The following USP42 variants were observed in gnomAD, a reference collection of about 807,000 sequenced individuals.
The protein encoded by USP42 is ubiquitin specific peptidase 42, also known as ubiquitin carboxyl-terminal hydrolase 42.
Under a neutral mutation model 113.0 loss-of-function variants are expected in USP42, and 23 were observed. The observed-to-expected ratio is 0.20, with a 90% CI of 0.15 to 0.29. The LOEUF (loss-of-function observed/expected upper bound fraction) is 0.29, where lower values mean the gene tolerates loss of function less well. Among genes scored for constraint, USP42 ranks in the 10% least tolerant of loss-of-function variants. The pLI, the probability that USP42 is intolerant of heterozygous loss-of-function variation, is 1.00. For missense variants in USP42, 2,174 were observed against 1,779.8 expected (o/e 1.22, Z -3.99); for synonymous variants, 933 against 699.0 (o/e 1.33, Z -5.28).
chr7:6,152,544 C>T lies in USP42; in HGVS notation c.2202-1212C>T, dbSNP rs375949266. On this transcript the variant is annotated intron_variant, in intron 14 of 17. Transcript: ENST00000306177. ...TCACTGAGGCCCTCTGTTAGGAGGG[C>T]GTAGATATTAAACCGGAATGGGGCG... Among the ~76,000 whole-genome samples, 23 of 152,110 alleles carry T rather than the reference C, an allele frequency of 1.5e-4. No individual in the cohort carries two copies. In the East Asian group the frequency reaches 3.5e-3, roughly 23 times the overall value.
Position 6,154,245 on chromosome 7 carries a change from G to A in USP42, c.2691G>A (p.Glu897=), listed in dbSNP as rs756284840. The A allele has an allele frequency of 3.6e-5, 58 of 1,603,704 alleles. No homozygotes were observed. The highest frequency in any genetic ancestry group is 4.6e-5 in the Non-Finnish European group (54 of 1,177,068). ...GCTTGGGCGCACCCGAGGCCGCAGAGCGGCCGCCAGCTCCTGTGCTGGACA... is the reference window on the plus strand; with the variant it reads ...GCTTGGGCGCACCCGAGGCCGCAGAACGGCCGCCAGCTCCTGTGCTGGACA... ...SQSLGAPEAA[E]RPPAPVLDMA... is the part of the protein sequence containing the mutation. The change falls in exon 15 of 18, where the codon GAG becomes GAA. Residue 897 remains glutamate, a synonymous_variant. Coordinates refer to ENST00000306177, the MANE Select transcript of USP42 (RefSeq NM_032172.3).
At chr7:6,099,466 G>A in the USP42 span, among the ~76,000 whole-genome samples, 5 of 149,966 alleles carry the variant, frequency 3.3e-5, 1 homozygote, top group East Asian at 2.0e-4. Flanking sequence ...TGCCCGCCTC[G>A]GCCTCCCAAA....
rs759610637 is a variant in USP42 at position 6,154,335 on chromosome 7, C to T, written c.2781C>T (p.Ala927=). ...EPSPGERVED[A]AAPKAPGPSP... is the part of the protein sequence containing the mutation. ...GCCCCGGCGAGAGGGTCGAGGACGC[C>T]GCGGCGCCGAAAGCCCCAGGCCCTT... The change falls in exon 15 of 18, where the codon GCC becomes GCT. Residue 927 remains alanine (A), a synonymous_variant. Transcript: ENST00000306177. 8.3e-6 allele frequency: 13 copies of T among 1,571,736 alleles called. No homozygotes were observed. The highest frequency in any genetic ancestry group is 2.4e-5 in the East Asian group (1 of 42,154).
the USP42 span, among the ~76,000 whole-genome samples, chr7:6,088,113 A>G: frequency 6.6e-6 from 1 of 151,072 alleles, no homozygotes; most frequent in South Asian, 2.1e-4. Flanking sequence ...CCACCTGGGC[A>G]ATATAGCAAG....
upstream of USP42, among the ~76,000 whole-genome samples, chr7:6,103,808 C>G (rs1013092979): frequency 3.3e-5 from 5 of 150,342 alleles, no homozygotes; most frequent in Non-Finnish European, 5.9e-5. Context: ...AATCCCAACA[C>G]TTTGGGAAGC....
chr7:6,132,894 G>A (rs773096072), intron 3 of USP42, among the ~76,000 whole-genome samples: 15 of 151,988 alleles, frequency 9.9e-5, no homozygotes, highest in Non-Finnish European at 1.9e-4. Flanking sequence ...GGATGGTCTC[G>A]ATCTTCTACC....
chr7:6,154,056 C>T lies in USP42; in HGVS notation c.2502C>T (p.Asp834=), dbSNP rs1414377234. The change falls in exon 15 of 18, where the codon GAC becomes GAT. Residue 834 remains aspartate, a synonymous_variant. Coordinates refer to ENST00000306177, the MANE Select transcript of USP42 (RefSeq NM_032172.3). ...GCGATGCGAGCCCGTTGTCCCAGGA[C>T]GCAAAGGGGATGATCGCGGAGGGCC... The part of the protein sequence containing the change: ...LTGDASPLSQ[D]AKGMIAEGPR... 6.8e-6 allele frequency: 11 copies of T among 1,605,982 alleles called. No individual in the cohort carries two copies. The East Asian group carries it at 1.8e-4, about 26-fold the overall frequency.
At chr7:6,135,992 C>G in intron 4 of USP42, 41 bp downstream of exon 4, 1 of 1,131,122 alleles carries the variant, frequency 8.8e-7, no homozygotes, top group Non-Finnish European at 1.2e-6. Flanking sequence ...GTATTTATTA[C>G]CTAGTTATAC....
rs554733608 is a variant in USP42, at chr7:6,111,203, G to C, written c.70G>C (p.Glu24Gln). The C allele has an allele frequency of 6.2e-7, 1 of 1,611,452 alleles. No individual in the cohort carries two copies. The highest frequency in any genetic ancestry group is 1.3e-5 in the African/African-American group (1 of 74,906). ...SAYQNQPGSS[E>Q]AVSPGDMDAG... is the part of the protein sequence containing the mutation. ...CTATCAGAATCAGCCTGGCAGCTCCGAGGCAGTCTCACCTGGAGACATGGA... is the reference window on the plus strand; with the variant it reads ...CTATCAGAATCAGCCTGGCAGCTCCCAGGCAGTCTCACCTGGAGACATGGA... Residue 24 changes from glutamate (E) to glutamine (Q), a missense_variant, in exon 2 of 18, where the codon GAG becomes CAG. Glu to Gln is a conservative substitution (Grantham distance 29). Coordinates refer to ENST00000306177, the MANE Select transcript of USP42 (RefSeq NM_032172.3).
the USP42 span, among the ~76,000 whole-genome samples, chr7:6,085,914 A>G: frequency 3.3e-5 from 5 of 150,982 alleles, no homozygotes; most frequent in Admixed American, 3.3e-4. Context: ...TGCCCAGCCT[A>G]TTAGTCTATA....
At chr7:6,113,318 A>T (rs909668322) in intron 2 of USP42, among the ~76,000 whole-genome samples, 2 of 152,104 alleles carry the variant, frequency 1.3e-5, no homozygotes, top group Non-Finnish European at 2.9e-5. Flanking sequence ...ATGGAGGTGG[A>T]AAGTCCTTTG....
Position 6,136,614 on chromosome 7 carries a change from A to T in USP42, c.553+663A>T, listed in dbSNP as rs117783923. Among the ~76,000 whole-genome samples the T allele has an allele frequency of 3.1e-3, 475 of 152,322 alleles. 5 individuals are homozygous for T. The highest frequency in any genetic ancestry group is 5.5e-3 in the Non-Finnish European group (373 of 68,028). Reference sequence around the variant, plus strand: ...AATACTAATTCTGATATTGTCTCACAGGTTTTTGTAAACAGTTTTTAATTA... The same window carrying T: ...AATACTAATTCTGATATTGTCTCACTGGTTTTTGTAAACAGTTTTTAATTA... On this transcript the variant is annotated intron_variant, in intron 4 of 17. Transcript: ENST00000306177.
chr7:6,144,039 G>A, intron 8 of USP42, 46 bp from the exon 9 acceptor site: 2 of 1,216,920 alleles, frequency 1.6e-6, no homozygotes, highest in Middle Eastern at 4.8e-4. Context: ...CACAAATTGT[G>A]TGTATATATT....
chr7:6,082,073 C>T, the USP42 span, among the ~76,000 whole-genome samples: 1 of 150,808 alleles, frequency 6.6e-6, no homozygotes, highest in South Asian at 2.1e-4. Flanking sequence ...TGTAAATATA[C>T]TATATATACA....
intron 4 of USP42, among the ~76,000 whole-genome samples, chr7:6,138,592 TC>T (rs1444181317): frequency 6.6e-6 from 1 of 151,964 alleles, no homozygotes; most frequent in African/African-American, 2.4e-5. Context: ...AAAGCAGGGG[TC>T]CCTAACCCCT....
At chr7:6,104,727 C>G (rs935391878), upstream of USP42, among the ~76,000 whole-genome samples, 2 of 152,164 alleles carry the variant, frequency 1.3e-5, no homozygotes, top group East Asian at 1.9e-4. Context: ...GACCGGCGCT[C>G]TGGTGACGCG....
intron 2 of USP42, among the ~76,000 whole-genome samples, chr7:6,114,359 G>T (rs539586552): frequency 2.0e-5 from 3 of 151,922 alleles, no homozygotes; most frequent in African/African-American, 7.2e-5. Context: ...GTTCAAAGTG[G>T]ATATAAAAGA....
intron 3 of USP42, among the ~76,000 whole-genome samples, chr7:6,123,900 G>A (rs1477879630): frequency 6.7e-6 from 1 of 150,294 alleles, no homozygotes; most frequent in Admixed American, 6.6e-5. Context: ...TTTTGAGGTG[G>A]AGTCTCACTT....
the USP42 span, among the ~76,000 whole-genome samples, chr7:6,096,724 C>G: frequency 6.6e-6 from 1 of 151,132 alleles, no homozygotes; most frequent in Non-Finnish European, 1.5e-5. Context: ...TGTCTGCTTA[C>G]AATGATATAT....
Sources: gnomAD v4.1 joint callset for allele counts (sites outside exome capture counted in the v4.1 genomes callset) on GRCh38, gnomAD v4.1.1 for gene constraint, MANE v1.5 for transcripts, NCBI Gene and HGNC (gene_info 2026-07-23, HGNC 2026-07-21) for gene names.